Variants in CAPN9 observed in about 807,000 individuals in gnomAD.
CAPN9 encodes calpain 9.
CAPN9 carries 81 observed loss-of-function variants against 92.8 expected under a neutral mutation model. That is an observed-to-expected ratio of 0.87 (90% CI 0.73 to 1.05). The LOEUF (loss-of-function observed/expected upper bound fraction) is 1.05, where lower values mean the gene tolerates loss of function less well. CAPN9 is among the 50% of genes least tolerant of loss of function. The pLI is 0.00. For missense variants in CAPN9, 848 were observed against 866.2 expected, an observed-to-expected ratio of 0.98 and a Z score of 0.26; for synonymous variants, 304 against 328.0, an observed-to-expected ratio of 0.93 and a Z score of 0.79.
intron 15 of CAPN9, 119 bp downstream of exon 15, chr1:230,792,047 C>T (rs1375902745): frequency 1.8e-5 from 14 of 790,094 alleles, no homozygotes; most frequent in Non-Finnish European, 3.0e-5. Flanking sequence ...GCAGAATAGT[C>T]TTCTTCACAG....
intron 3 of CAPN9, among the ~76,000 whole-genome samples, chr1:230,760,447 C>T (rs1191047067): frequency 6.6e-6 from 1 of 152,200 alleles, no homozygotes; most frequent in Non-Finnish European, 1.5e-5. Context: ...CTTCTCCTGA[C>T]TCACAGGCCA....
At chr1:230,796,672 A>G (rs1668380338) in intron 18 of CAPN9, among the ~76,000 whole-genome samples, 1 of 152,150 alleles carries the variant, frequency 6.6e-6, no homozygotes, top group Non-Finnish European at 1.5e-5. Flanking sequence ...TGCATTCTAG[A>G]AAGACCCCTC....
intron 18 of CAPN9, among the ~76,000 whole-genome samples, chr1:230,796,792 C>G (rs1319860797): frequency 1.3e-5 from 2 of 152,124 alleles, no homozygotes; most frequent in African/African-American, 4.8e-5. Flanking sequence ...TCTAAACCAC[C>G]CAGGTGTAAT....
intron 5 of CAPN9, among the ~76,000 whole-genome samples, chr1:230,768,438 C>T (rs1304903969): frequency 6.6e-6 from 1 of 152,072 alleles, no homozygotes; most frequent in Non-Finnish European, 1.5e-5. Flanking sequence ...CTTCCCAGCT[C>T]TCTATCTGCT....
At chr1:230,765,867 C>A (rs73104671) in intron 4 of CAPN9, among the ~76,000 whole-genome samples, 3,236 of 152,132 alleles carry the variant, frequency 0.021, 109 homozygotes, top group African/African-American at 0.072. Flanking sequence ...TTTCATGCGG[C>A]CTTCACATAA....
chr1:230,797,079 C>T (rs1668402994), intron 18 of CAPN9, among the ~76,000 whole-genome samples: 1 of 152,188 alleles, frequency 6.6e-6, no homozygotes, highest in Non-Finnish European at 1.5e-5. Context: ...ATTACAATCT[C>T]CAGGGGTGCC....
At position 230,792,840 on chromosome 1, in the gene CAPN9, C is replaced by A. The variant is rs944882105; in HGVS notation, c.1792-10C>A. On this transcript the variant is annotated splice_polypyrimidine_tract_variant and intron_variant, in intron 16 of 19. Transcript: ENST00000271971. ...GCTCCTTCTCAAGGCTTCTGCTCTC[C>A]ACCCTTTAGAACCTTTTCCTTCGGT... The A allele has an allele frequency of 1.1e-5, 18 of 1,612,294 alleles. No individual in the cohort carries two copies. The highest frequency in any genetic ancestry group is 1.4e-5 in the Non-Finnish European group (16 of 1,178,546).
chr1:230,747,684 T>C lies in CAPN9; in HGVS notation c.188T>C (p.Ile63Thr). 6.2e-7 allele frequency: 1 copy of C among 1,613,524 alleles called. No individual in the cohort carries two copies. The highest frequency in any genetic ancestry group is 8.5e-7 in the Non-Finnish European group (1 of 1,179,764). ...SSLFYSERPQ[I>T]PFVWKRPGEI... ...CTGTTCTACAGTGAGAGGCCGCAGATCCCCTTTGTGTGGAAACGACCAGGG... is the reference window on the plus strand; with the variant it reads ...CTGTTCTACAGTGAGAGGCCGCAGACCCCCTTTGTGTGGAAACGACCAGGG... Residue 63 changes from isoleucine (I) to threonine (T), a missense_variant, in exon 1 of 20, where the codon ATC (isoleucine) becomes ACC (threonine). By Grantham distance (89) the Ile-to-Thr change is moderately conservative (BLOSUM62 -1). Coordinates refer to ENST00000271971, the MANE Select transcript of CAPN9 (RefSeq NM_006615.3).
intron 3 of CAPN9, among the ~76,000 whole-genome samples, chr1:230,761,368 G>T (rs751362730): frequency 2.2e-4 from 33 of 152,214 alleles, no homozygotes; most frequent in South Asian, 4.1e-4. Context: ...CAGCCCCTCT[G>T]CAAGGAAAGC....
chr1:230,764,637 C>T (rs541965126), intron 4 of CAPN9, among the ~76,000 whole-genome samples: 5 of 152,182 alleles, frequency 3.3e-5, no homozygotes, highest in African/African-American at 7.2e-5. Context: ...AGAAACTGTA[C>T]GTGAGTGCTA....
At chr1:230,794,319 TAA>T (rs1272110423) in intron 17 of CAPN9, among the ~76,000 whole-genome samples, 1 of 151,956 alleles carries the variant, frequency 6.6e-6, no homozygotes, top group Non-Finnish European at 1.5e-5. Context: ...CCGCCTCTAC[TAA>T]AAATACAAAA....
chr1:230,798,556 T>G (rs1471266384), intron 19 of CAPN9, among the ~76,000 whole-genome samples: 2 of 152,212 alleles, frequency 1.3e-5, no homozygotes, highest in Non-Finnish European at 2.9e-5. Context: ...TTAGCCTGCC[T>G]GCCTTCCAGC....
chr1:230,754,125 G>A, intron 1 of CAPN9, among the ~76,000 whole-genome samples: 2 of 151,474 alleles, frequency 1.3e-5, no homozygotes. Flanking sequence ...GAGGGGCGGG[G>A]CAGGAGGCTG....
chr1:230,796,696 C>G (rs4477283), intron 18 of CAPN9, among the ~76,000 whole-genome samples: 3 of 151,962 alleles, frequency 2.0e-5, no homozygotes, highest in Non-Finnish European at 2.9e-5. Flanking sequence ...AAACAGAATC[C>G]GTTATTAGAC....
intron 19 of CAPN9, among the ~76,000 whole-genome samples, chr1:230,798,797 G>A (rs1225079322): frequency 6.6e-6 from 1 of 152,158 alleles, no homozygotes; most frequent in Non-Finnish European, 1.5e-5. Context: ...GAGGTCCATG[G>A]GCCAGCAGCA....
chr1:230,779,345 A>G (rs1572060799), intron 9 of CAPN9, among the ~76,000 whole-genome samples: 1 of 152,188 alleles, frequency 6.6e-6, no homozygotes, highest in Non-Finnish European at 1.5e-5. Flanking sequence ...TTCCATTACA[A>G]GTAATGGAAA....
intron 6 of CAPN9, among the ~76,000 whole-genome samples, chr1:230,770,659 GA>G (rs979712987): frequency 1.8e-4 from 27 of 152,104 alleles, no homozygotes; most frequent in African/African-American, 6.0e-4. Flanking sequence ...GGCACAAGGG[GA>G]AGAGAAAGAA....
intron 11 of CAPN9, among the ~76,000 whole-genome samples, chr1:230,784,994 T>C (rs1667481293): frequency 1.3e-5 from 2 of 152,228 alleles, no homozygotes. Context: ...CAGTGTTCCC[T>C]GGATGTAGGA....
intron 13 of CAPN9, among the ~76,000 whole-genome samples, chr1:230,789,204 A>C (rs1667809407): frequency 6.6e-6 from 1 of 151,996 alleles, no homozygotes; most frequent in African/African-American, 2.4e-5. Flanking sequence ...TGTCAGTGCT[A>C]CTCAAACACA....
Sources: allele counts gnomAD v4.1 joint callset (sites outside exome capture counted in the v4.1 genomes callset), GRCh38; gene constraint gnomAD v4.1.1; transcripts MANE v1.5; gene names NCBI Gene and HGNC (gene_info 2026-07-23, HGNC 2026-07-21).